Variants in USP28 observed in about 807,000 individuals in gnomAD.
The protein encoded by USP28 is ubiquitin specific peptidase 28.
Under a neutral mutation model 145.0 loss-of-function variants are expected in USP28, and 113 were observed. That is an observed-to-expected ratio of 0.78 (90% CI 0.67 to 0.91). The LOEUF (loss-of-function observed/expected upper bound fraction) is 0.91, where lower values mean the gene tolerates loss of function less well. Among genes scored for constraint, USP28 ranks in the 40% least tolerant of loss-of-function variants. The pLI, the probability that USP28 is intolerant of heterozygous loss-of-function variation, is 0.00. For missense variants in USP28, 1,201 were observed against 1,289.6 expected, an observed-to-expected ratio of 0.93 and a Z score of 1.05; for synonymous variants, 447 against 450.9, an observed-to-expected ratio of 0.99 and a Z score of 0.11.
At chr11:113,834,373 G>A (rs780689965) in intron 5 of USP28, 38 bp from the exon 6 acceptor site, 4 of 1,388,074 alleles carry the variant, frequency 2.9e-6, no homozygotes, top group Non-Finnish European at 4.0e-6. Context: ...AGCCTTTCCT[G>A]AAAATAACTG....
chr11:113,841,789 TA>T lies in USP28; in HGVS notation c.269-22del, dbSNP rs537094965. 4.3e-4 allele frequency: 668 copies of T among 1,542,514 alleles called. 6 individuals carry two copies. The African/African-American group carries it at 7.9e-3, about 18-fold the overall frequency. On this transcript the variant is annotated intron_variant, in intron 3 of 24. Coordinates refer to ENST00000003302, the Ensembl canonical transcript of USP28. ...AACTTCTGTAAGATAAACAGAAATT[TA>T]ATTAGTCTATATATAGGAAACACTG...
intron 1 of USP28, 86 bp from the exon 2 acceptor site, chr11:113,854,421 G>T: frequency 7.6e-7 from 1 of 1,321,036 alleles, no homozygotes. Flanking sequence ...AAGCATCTTG[G>T]ATAAACAGGC....
chr11:113,808,389 T>C, exon 18 of USP28: 1 of 1,614,138 alleles, frequency 6.2e-7, no homozygotes, highest in Non-Finnish European at 8.5e-7. Flanking sequence ...AATCACAGCA[T>C]GCTCAGACGA....
intron 1 of USP28, among the ~76,000 whole-genome samples, chr11:113,860,129 A>T (rs910176403): frequency 2.6e-5 from 4 of 152,228 alleles, no homozygotes; most frequent in African/African-American, 9.6e-5. Flanking sequence ...AACTAGGTTA[A>T]AACTCTCTGA....
chr11:113,801,095 C>T (rs1356930678), intron 24 of USP28, among the ~76,000 whole-genome samples: 5 of 152,164 alleles, frequency 3.3e-5, no homozygotes, highest in Non-Finnish European at 5.9e-5. Context: ...CTGCCCACCT[C>T]GGCCTCTGAA....
At chr11:113,820,420 G>A (rs1942422641) in intron 12 of USP28, 2 of 152,174 alleles carry the variant, frequency 1.3e-5, no homozygotes, top group South Asian at 4.1e-4. Flanking sequence ...ATCAAACCAG[G>A]ATACTTCTGA....
At chr11:113,811,629 A>G (rs1941001493) in intron 16 of USP28, among the ~76,000 whole-genome samples, 1 of 152,156 alleles carries the variant, frequency 6.6e-6, no homozygotes, top group African/African-American at 2.4e-5. Context: ...CGGAGGTTGC[A>G]GTGAGCTGAG....
chr11:113,838,167 T>C (rs963005304), intron 5 of USP28, among the ~76,000 whole-genome samples: 1 of 152,194 alleles, frequency 6.6e-6, no homozygotes, highest in Non-Finnish European at 1.5e-5. Flanking sequence ...ATCTTCTCCA[T>C]CTGCTGGCTC....
chr11:113,809,207 A>G, exon 17 of USP28: 1 of 1,614,212 alleles, frequency 6.2e-7, no homozygotes, highest in Non-Finnish European at 8.5e-7. Flanking sequence ...AGTTCCACAG[A>G]TAGGGCTTCC....
chr11:113,809,305 C>A (rs781240477), intron 16 of USP28, 51 bp from the exon 17 acceptor site: 10 of 1,542,412 alleles, frequency 6.5e-6, no homozygotes, highest in Non-Finnish European at 7.9e-6. Context: ...CGAAAACATC[C>A]TTTTTAGAAA....
chr11:113,819,709 G>A (rs1269098001), intron 12 of USP28, among the ~76,000 whole-genome samples: 1 of 152,132 alleles, frequency 6.6e-6, no homozygotes, highest in Non-Finnish European at 1.5e-5. Context: ...CCAAGATAAA[G>A]ACTAAAAACA....
chr11:113,816,413 T>C (rs1941741938), intron 13 of USP28, among the ~76,000 whole-genome samples: 1 of 152,178 alleles, frequency 6.6e-6, no homozygotes, highest in Admixed American at 6.5e-5. Flanking sequence ...CTTGGGAGGC[T>C]GAGGCAGGAG....
At chr11:113,833,796 G>A (rs1170737987) in intron 6 of USP28, among the ~76,000 whole-genome samples, 3 of 152,196 alleles carry the variant, frequency 2.0e-5, no homozygotes, top group African/African-American at 7.2e-5. Context: ...ACTTTCTGAA[G>A]CTGCTGCCCT....
intron 23 of USP28, among the ~76,000 whole-genome samples, 184 bp downstream of exon 24, chr11:113,802,974 G>A (rs951272869): frequency 1.3e-5 from 2 of 152,076 alleles, no homozygotes; most frequent in African/African-American, 4.8e-5. Context: ...CATTGAAGAA[G>A]AATGACATTC....
chr11:113,847,641 T>C (rs1399606177), intron 3 of USP28, among the ~76,000 whole-genome samples: 2 of 152,180 alleles, frequency 1.3e-5, no homozygotes, highest in African/African-American at 4.8e-5. Context: ...TATTAAGGGA[T>C]TATTTTTAGT....
intron 1 of USP28, among the ~76,000 whole-genome samples, chr11:113,867,308 T>G (rs1948372108): frequency 6.6e-6 from 1 of 152,072 alleles, no homozygotes; most frequent in South Asian, 2.1e-4. Flanking sequence ...CTCTTGTCAC[T>G]CAGGCTAGAG....
intron 1 of USP28, among the ~76,000 whole-genome samples, chr11:113,869,661 G>A (rs1232034964): frequency 1.3e-5 from 2 of 152,102 alleles, no homozygotes; most frequent in African/African-American, 4.8e-5. Context: ...CTGGGTTTTT[G>A]TAAATAAAAA....
chr11:113,856,692 TTGTA>T (rs1390295574), intron 1 of USP28, among the ~76,000 whole-genome samples: 4 of 152,164 alleles, frequency 2.6e-5, no homozygotes, highest in African/African-American at 9.7e-5. Flanking sequence ...TATCTTATTC[TTGTA>T]TGTTTTATTT....
intron 3 of USP28, among the ~76,000 whole-genome samples, chr11:113,842,450 T>A (rs927105340): frequency 3.3e-5 from 5 of 151,828 alleles, no homozygotes; most frequent in Non-Finnish European, 7.4e-5. Context: ...CCGGGCGTGG[T>A]GGCGGGCGCC....
Sources: allele counts gnomAD v4.1 joint callset (sites outside exome capture counted in the v4.1 genomes callset), GRCh38; gene constraint gnomAD v4.1.1; transcripts MANE v1.5; gene names NCBI Gene and HGNC (gene_info 2026-07-23, HGNC 2026-07-21).